PHC2: variants seen among roughly 807,000 people sequenced by gnomAD.
PHC2 encodes the protein polyhomeotic-like protein 2.
Under a neutral mutation model 87.4 loss-of-function variants are expected in PHC2, and 29 were observed. That is an observed-to-expected ratio of 0.33 (90% CI 0.25 to 0.45). The LOEUF is 0.45. Ranked by LOEUF, PHC2 falls within the 20% of genes least tolerant of loss-of-function variation. The pLI is 1.00. For synonymous variants in PHC2, 438 were observed against 461.7 expected, an observed-to-expected ratio of 0.95 and a Z score of 0.66; for missense variants, 857 against 1,136.7, an observed-to-expected ratio of 0.75 and a Z score of 3.54.
intron 7 of PHC2, among the ~76,000 whole-genome samples, chr1:33,362,465 C>A (rs542224916): frequency 1.3e-5 from 2 of 152,214 alleles, no homozygotes; most frequent in South Asian, 4.1e-4. Context: ...TATTTATAGA[C>A]AGCTGAAATG....
intron 1 of PHC2, among the ~76,000 whole-genome samples, chr1:33,412,853 G>A (rs545000688): frequency 7.2e-5 from 11 of 152,306 alleles, no homozygotes; most frequent in African/African-American, 2.6e-4. Flanking sequence ...AGGCACTAAT[G>A]CCCAATTAGT....
chr1:33,360,747 T>C (rs1433656368), intron 7 of PHC2, among the ~76,000 whole-genome samples: 5 of 152,200 alleles, frequency 3.3e-5, no homozygotes, highest in African/African-American at 9.7e-5. Flanking sequence ...CATGAGGCAA[T>C]TGAGAAGTGT....
At position 33,332,890 on chromosome 1, in the gene PHC2, C is replaced by G. The variant is rs888783322; in HGVS notation, c.1762-486G>C. On this transcript the variant is annotated intron_variant, in intron 10 of 14. Coordinates refer to ENST00000683057, the MANE Select transcript of PHC2 (RefSeq NM_001385109.1). The surrounding 1 kb of genome is among the most constrained non-coding windows in gnomAD (Gnocchi z 4.2). Reference sequence around the variant, plus strand: ...AGGTACAGGCCGCCACAGAGTATAGCAGGAAAAAACAGACCCTGGGCCACA... The same window carrying G: ...AGGTACAGGCCGCCACAGAGTATAGGAGGAAAAAACAGACCCTGGGCCACA... Among the ~76,000 whole-genome samples the G allele has an allele frequency of 3.9e-5, 6 of 152,114 alleles. No individual in the cohort carries two copies. Among genetic ancestry groups the G allele is most frequent in the Non-Finnish European group, 2.9e-5 (2 of 68,018 alleles).
intron 1 of PHC2, among the ~76,000 whole-genome samples, chr1:33,388,431 C>G (rs567944189): frequency 6.6e-6 from 1 of 151,152 alleles, no homozygotes; most frequent in East Asian, 2.0e-4. Flanking sequence ...TCAAGCGATT[C>G]TCCTGCCTCA....
At chr1:33,355,384 C>T (rs554285523) in intron 7 of PHC2, 131 bp from the exon 8 acceptor site, 2 of 782,500 alleles carry the variant, frequency 2.6e-6, no homozygotes, top group South Asian at 2.0e-5. Flanking sequence ...TCATCTCTTT[C>T]ATTTTTCACC....
intron 7 of PHC2, chr1:33,363,645 C>G: frequency 1.7e-6 from 1 of 584,316 alleles, no homozygotes; most frequent in Non-Finnish European, 2.2e-6. Context: ...TCTGGAGGCC[C>G]AACTGGGTGA....
intron 2 of PHC2, 138 bp from the exon 3 acceptor site, chr1:33,372,585 T>C (rs983627575): frequency 3.7e-6 from 2 of 534,506 alleles, no homozygotes; most frequent in African/African-American, 3.9e-5. Flanking sequence ...CCACAGCCAA[T>C]TGTGGCCACT....
At chr1:33,392,160 C>T (rs746550015) in intron 1 of PHC2, among the ~76,000 whole-genome samples, 1 of 122,858 alleles carries the variant, frequency 8.1e-6, no homozygotes, top group Non-Finnish European at 1.6e-5. Flanking sequence ...TGTGTGCACA[C>T]ATACGTGCAC....
intron 7 of PHC2, chr1:33,363,195 G>A (rs2148308494): frequency 6.6e-6 from 1 of 152,324 alleles, no homozygotes; most frequent in Non-Finnish European, 1.5e-5. Flanking sequence ...CGTGCACACA[G>A]GCTCGTACAC....
At chr1:33,378,125 G>C (rs1648276359) in intron 1 of PHC2, among the ~76,000 whole-genome samples, 1 of 152,308 alleles carries the variant, frequency 6.6e-6, no homozygotes, top group South Asian at 2.1e-4. Flanking sequence ...CTACTGACTT[G>C]CTAAGGATGC....
At chr1:33,346,995 A>T (rs1000929621) in intron 9 of PHC2, 1 of 985,440 alleles carries the variant, frequency 1.0e-6, no homozygotes, top group Non-Finnish European at 1.2e-6. Flanking sequence ...TCAATTGTGT[A>T]AGATCATCCA....
chr1:33,386,731 G>C (rs762866737), intron 1 of PHC2, among the ~76,000 whole-genome samples: 10 of 151,880 alleles, frequency 6.6e-5, no homozygotes, highest in Non-Finnish European at 1.2e-4. Flanking sequence ...TGCATACACA[G>C]TGTGCACACA....
rs72658242 is a variant in PHC2 at position 33,332,525 on chromosome 1, T to G, written c.1762-121A>C. The G allele has an allele frequency of 0.056, 64,850 of 1,154,938 alleles. 2,295 individuals carry two copies. Among genetic ancestry groups the G allele is most frequent in the Non-Finnish European group, 0.067 (53,262 of 793,376 alleles). 71.5% of individuals were successfully genotyped at this position (1,154,938 alleles called of 1,614,324 possible). On this transcript the variant is annotated intron_variant, in intron 10 of 14. Transcript: ENST00000683057. This position sits in a 1 kb window ranked among gnomAD's most constrained non-coding sequence, Gnocchi z 4.2. ...CACAGAGGCCAGCCCTCCTCAAACC[T>G]TCCCCCATGTCATCATCCAAGTGTG... is the stretch of plus-strand genomic sequence containing the variant.
chr1:33,335,911 G>T (rs553154192), intron 9 of PHC2, among the ~76,000 whole-genome samples: 1 of 151,892 alleles, frequency 6.6e-6, no homozygotes, highest in East Asian at 1.9e-4. Context: ...GGGGGGGAGG[G>T]GGGGAAAGAA....
At chr1:33,358,143 TA>T (rs541454394) in intron 7 of PHC2, among the ~76,000 whole-genome samples, 55 of 152,238 alleles carry the variant, frequency 3.6e-4, no homozygotes, top group African/African-American at 1.3e-3. Flanking sequence ...TCAGGGTTAA[TA>T]AGGAGGAAAA....
chr1:33,367,338 G>A lies in PHC2; in HGVS notation c.754C>T (p.Leu252=), dbSNP rs561418548. The A allele has an allele frequency of 1.9e-6, 3 of 1,613,034 alleles. No homozygotes were observed. The highest frequency in any genetic ancestry group is 1.3e-5 in the African/African-American group (1 of 74,918). The change falls in exon 7 of 15, where the codon CTG becomes TTG. Residue 252 remains leucine, a synonymous_variant. Coordinates refer to ENST00000683057, the MANE Select transcript of PHC2 (RefSeq NM_001385109.1). The part of the protein sequence containing the change: ...PTQPVLPSLA[L]KPTPGGSQPL... ...TGGCTACCGCCCGGCGTGGGTTTCAGGGCCAAGCTGGGCAGGACAGGCTGA... is the reference window on the plus strand; with the variant it reads ...TGGCTACCGCCCGGCGTGGGTTTCAAGGCCAAGCTGGGCAGGACAGGCTGA...
At chr1:33,360,970 G>C (rs1325977867) in intron 7 of PHC2, among the ~76,000 whole-genome samples, 1 of 152,340 alleles carries the variant, frequency 6.6e-6, no homozygotes. Flanking sequence ...AAGGACGAGC[G>C]AGTACCGCAA....
rs1331081883 is a variant in PHC2, at chr1:33,394,508, GAT to G, written c.-54-18917_-54-18916del. ...ACACCAATGCCTGGGCCCCACTCCTGATCAACTAATTAACTAAGAATTTTTTG... is the reference window on the plus strand; with the variant it reads ...ACACCAATGCCTGGGCCCCACTCCTGCAACTAATTAACTAAGAATTTTTTG... On this transcript the variant is annotated intron_variant, in intron 1 of 14. Transcript: ENST00000683057. Among the ~76,000 whole-genome samples the G allele has an allele frequency of 7.2e-5, 11 of 152,284 alleles. No homozygotes were observed. The South Asian group carries it at 2.3e-3, about 32-fold the overall frequency.
At chr1:33,347,436 GC>G (rs1646865092) in intron 9 of PHC2, 1 of 985,344 alleles carries the variant, frequency 1.0e-6, no homozygotes, top group South Asian at 4.7e-5. Flanking sequence ...TATGGAGTGA[GC>G]TTGACAAAGG....
Sources: allele counts gnomAD v4.1 joint callset (sites outside exome capture counted in the v4.1 genomes callset), GRCh38; gene constraint gnomAD v4.1.1; non-coding constraint Gnocchi (gnomAD v3.1); transcripts MANE v1.5; gene names NCBI Gene and HGNC (gene_info 2026-07-23, HGNC 2026-07-21).